Variants in PDE8B observed in about 807,000 individuals in gnomAD.
PDE8B encodes high affinity cAMP-specific and IBMX-insensitive 3',5'-cyclic phosphodiesterase 8B.
A neutral mutation model predicts 101.3 loss-of-function variants in PDE8B; 26 were observed. The observed-to-expected ratio is 0.26, with a 90% confidence interval of 0.19 to 0.36. PDE8B has a LOEUF of 0.36. Ranked by LOEUF, PDE8B falls within the 10% of genes least tolerant of loss-of-function variation. The pLI is 1.00. For synonymous variants in PDE8B, 424 were observed against 429.3 expected (o/e 0.99, Z 0.15); for missense variants, 810 against 1,163.1 (o/e 0.70, Z 4.42).
rs374248560 is a variant in PDE8B at position 77,211,231 on chromosome 5, G to A, written c.306G>A (p.Glu102=). ...GGCGCCACTGCTGCAGCAGCGCCGAGGCCGAGACTCAGACCTGCTACACCA... is the reference window on the plus strand; with the variant it reads ...GGCGCCACTGCTGCAGCAGCGCCGAAGCCGAGACTCAGACCTGCTACACCA... ...GRRRHCCSSA[E]AETQTCYTSV... Residue 102 remains glutamate, a synonymous_variant, in exon 1 of 22, where the codon GAG becomes GAA. Transcript: ENST00000264917. This position sits in a 1 kb window ranked among gnomAD's most constrained non-coding sequence, Gnocchi z 4.1. 185 of 1,574,754 alleles carry A rather than the reference G, an allele frequency of 1.2e-4. No individual in the cohort carries two copies. In the African/African-American group the frequency reaches 2.1e-3, roughly 18 times the overall value.
At chr5:77,089,538 A>G in the PDE8B span, 1 of 152,268 alleles carries the variant, frequency 6.6e-6, no homozygotes, top group African/African-American at 2.4e-5. Context: ...TCTTCCACGA[A>G]ACCAGTCCCT....
the PDE8B span, among the ~76,000 whole-genome samples, chr5:77,205,237 A>G: frequency 6.6e-6 from 1 of 152,218 alleles, no homozygotes; most frequent in Non-Finnish European, 1.5e-5. Flanking sequence ...ATTTTCTACA[A>G]CTGGCAAGAG....
intron 1 of PDE8B, among the ~76,000 whole-genome samples, chr5:77,219,785 G>A (rs1187867820): frequency 1.3e-5 from 2 of 152,200 alleles, no homozygotes; most frequent in Non-Finnish European, 2.9e-5. Context: ...ATAGTGTTTG[G>A]AGCTGAGCCT....
At chr5:77,127,348 C>T in the PDE8B span, among the ~76,000 whole-genome samples, 1 of 152,026 alleles carries the variant, frequency 6.6e-6, no homozygotes, top group South Asian at 2.1e-4. Context: ...TATAAGCATC[C>T]AGCATTTCCC....
intron 1 of PDE8B, among the ~76,000 whole-genome samples, chr5:77,240,311 G>A (rs1049955240): frequency 2.0e-5 from 3 of 152,070 alleles, no homozygotes; most frequent in Admixed American, 6.5e-5. Context: ...CCGCCACCGC[G>A]CCCGGCTACT....
the PDE8B span, among the ~76,000 whole-genome samples, chr5:77,128,805 A>G: frequency 1.3e-5 from 2 of 152,342 alleles, no homozygotes; most frequent in South Asian, 4.1e-4. Flanking sequence ...GACCAGAACT[A>G]GGTCAAAGTC....
intron 10 of PDE8B, among the ~76,000 whole-genome samples, chr5:77,379,828 C>T (rs538955325): frequency 1.8e-4 from 27 of 152,270 alleles, no homozygotes; most frequent in South Asian, 6.2e-4. Flanking sequence ...TGATCAAAGA[C>T]GTTCTGTACT....
the PDE8B span, among the ~76,000 whole-genome samples, chr5:77,137,723 G>A: frequency 6.6e-6 from 1 of 152,156 alleles, no homozygotes; most frequent in Non-Finnish European, 1.5e-5. Flanking sequence ...CTCATATTTT[G>A]TGGATCTTGT....
the PDE8B span, among the ~76,000 whole-genome samples, chr5:77,163,175 G>A: frequency 3.3e-5 from 5 of 152,282 alleles, no homozygotes; most frequent in African/African-American, 1.2e-4. Flanking sequence ...AGAAATGAGG[G>A]TCAGAAATAA....
intron 21 of PDE8B, 26 bp downstream of exon 21, chr5:77,425,922 C>T: frequency 1.2e-6 from 2 of 1,605,702 alleles, no homozygotes; most frequent in South Asian, 1.1e-5. Flanking sequence ...TTTTGTCACC[C>T]AAAGAAAATT....
At chr5:77,408,306 T>C (rs1300129327) in intron 13 of PDE8B, among the ~76,000 whole-genome samples, 1 of 152,210 alleles carries the variant, frequency 6.6e-6, no homozygotes, top group East Asian at 1.9e-4. Context: ...TGATAGAAAA[T>C]GACATGAGAT....
At chr5:77,422,515 A>G (rs1796887178) in intron 20 of PDE8B, among the ~76,000 whole-genome samples, 1 of 152,228 alleles carries the variant, frequency 6.6e-6, no homozygotes, top group African/African-American at 2.4e-5. Flanking sequence ...TGGAATAGGA[A>G]AAGACTTTCT....
chr5:77,374,763 T>C (rs1274754718), intron 10 of PDE8B, among the ~76,000 whole-genome samples: 2 of 152,244 alleles, frequency 1.3e-5, no homozygotes, highest in Non-Finnish European at 2.9e-5. Context: ...ATCTACTATG[T>C]ACCCAAGTAT....
chr5:77,288,713 A>C (rs1766586716), intron 1 of PDE8B, among the ~76,000 whole-genome samples: 1 of 152,158 alleles, frequency 6.6e-6, no homozygotes, highest in Non-Finnish European at 1.5e-5. Context: ...CTCTTGTTTT[A>C]CAAAACTGAT....
chr5:77,420,602 T>C (rs746972757), intron 19 of PDE8B, among the ~76,000 whole-genome samples: 14 of 152,096 alleles, frequency 9.2e-5, no homozygotes, highest in African/African-American at 2.2e-4. Flanking sequence ...AGTAAGGAGA[T>C]GAACTGTGTA....
intron 6 of PDE8B, among the ~76,000 whole-genome samples, chr5:77,337,780 G>A (rs1388152358): frequency 6.6e-6 from 1 of 152,194 alleles, no homozygotes; most frequent in Non-Finnish European, 1.5e-5. Flanking sequence ...TATGCATGAA[G>A]TAGCTTTAAG....
chr5:77,185,147 C>T, the PDE8B span, among the ~76,000 whole-genome samples: 22 of 152,142 alleles, frequency 1.4e-4, no homozygotes, highest in Admixed American at 2.0e-4. Flanking sequence ...CAACCTGATG[C>T]GTGGAGACAA....
At chr5:77,142,971 G>A in the PDE8B span, among the ~76,000 whole-genome samples, 1 of 152,154 alleles carries the variant, frequency 6.6e-6, no homozygotes, top group Admixed American at 6.5e-5. Flanking sequence ...AGAGAGAGGA[G>A]CTAAGATGTA....
intron 4 of PDE8B, 22 bp downstream of exon 4, chr5:77,329,079 A>G (rs1459540694): frequency 6.4e-6 from 10 of 1,565,856 alleles, no homozygotes; most frequent in African/African-American, 1.4e-5. Context: ...TCCCATTCCC[A>G]GATGGAAGGA....
Sources: allele counts gnomAD v4.1 joint callset (sites outside exome capture counted in the v4.1 genomes callset), GRCh38; gene constraint gnomAD v4.1.1; non-coding constraint Gnocchi (gnomAD v3.1); transcripts MANE v1.5; gene names NCBI Gene and HGNC (gene_info 2026-07-23, HGNC 2026-07-21).